Variants in SOX6 observed in about 807,000 individuals in gnomAD.
The protein encoded by SOX6 is SRY-box transcription factor 6.
Under a neutral mutation model 97.8 loss-of-function variants are expected in SOX6, and 11 were observed. The observed-to-expected ratio is 0.11, with a 90% CI of 0.07 to 0.19. SOX6 has a LOEUF of 0.19. Ranked by LOEUF, SOX6 falls within the 10% of genes least tolerant of loss-of-function variation. The probability of loss-of-function intolerance (pLI) is 1.00; values close to 1 mark genes in which losing one functional copy is unlikely to be tolerated. For missense variants in SOX6, 810 were observed against 1,039.5 expected, an observed-to-expected ratio of 0.78 and a Z score of 3.04; for synonymous variants, 360 against 371.4, an observed-to-expected ratio of 0.97 and a Z score of 0.35.
At chr11:16,049,690 TA>T in intron 11 of SOX6, 64 bp downstream of exon 11, 1 of 1,589,566 alleles carries the variant, frequency 6.3e-7, no homozygotes, top group Non-Finnish European at 8.6e-7. Context: ...CAGTCGTAAC[TA>T]AACAGGTTTG....
chr11:16,294,732 T>G (rs1855019533), intron 3 of SOX6, among the ~76,000 whole-genome samples: 1 of 152,082 alleles, frequency 6.6e-6, no homozygotes, highest in African/African-American at 2.4e-5. Context: ...TGAAAAAAAT[T>G]GTTTTTATTT....
At chr11:16,352,912 T>A (rs747042965) in intron 1 of SOX6, among the ~76,000 whole-genome samples, 28 of 152,138 alleles carry the variant, frequency 1.8e-4, no homozygotes, top group Non-Finnish European at 3.5e-4. Flanking sequence ...CAAAATTGGT[T>A]GAGGAAGTAG....
chr11:15,977,197 C>G (rs1237063265), intron 15 of SOX6, among the ~76,000 whole-genome samples: 1 of 152,042 alleles, frequency 6.6e-6, no homozygotes, highest in Non-Finnish European at 1.5e-5. Flanking sequence ...CTGCCATGAT[C>G]CTTGATGTCT....
chr11:16,561,059 C>G (rs761926365), intron 4 of SOX6, among the ~76,000 whole-genome samples: 23 of 152,018 alleles, frequency 1.5e-4, no homozygotes, highest in Admixed American at 3.3e-4. Context: ...TCTCAGAAAT[C>G]ACTACTAAAG....
At chr11:16,032,234 T>C (rs975949556) in intron 12 of SOX6, among the ~76,000 whole-genome samples, 1 of 152,084 alleles carries the variant, frequency 6.6e-6, no homozygotes, top group African/African-American at 2.4e-5. Flanking sequence ...GTAAAAAGTA[T>C]AGAATTTATA....
upstream of SOX6, among the ~76,000 whole-genome samples, chr11:16,476,571 A>C (rs939436561): frequency 6.6e-6 from 1 of 152,246 alleles, no homozygotes; most frequent in Non-Finnish European, 1.5e-5. Flanking sequence ...TCATGGTTCT[A>C]CATCTAAGAA....
chr11:16,690,655 C>T lies in SOX6; in HGVS notation n.429+24175G>A, dbSNP rs532829744. On this transcript the variant is annotated intron_variant and non_coding_transcript_variant, in intron 3 of 5. Transcript: ENST00000524520. The stretch of plus-strand genomic sequence containing the variant: ...TGACTTAATTCCTTGGCTTTTCATG[C>T]GATGCAAGGAAACATTCTGTCTTTG... Among the ~76,000 whole-genome samples the T allele has an allele frequency of 2.6e-5, 4 of 152,246 alleles. No individual in the cohort carries two copies. In the South Asian group the frequency reaches 6.2e-4, roughly 24 times the overall value.
chr11:16,539,482 A>G (rs1207603694), intron 4 of SOX6, among the ~76,000 whole-genome samples: 1 of 152,198 alleles, frequency 6.6e-6, no homozygotes, highest in African/African-American at 2.4e-5. Context: ...AGCAGAACTG[A>G]AGGAGATAGA....
chr11:16,068,056 A>C (rs1050497955), intron 9 of SOX6, among the ~76,000 whole-genome samples: 1 of 152,224 alleles, frequency 6.6e-6, no homozygotes. Flanking sequence ...TGTGACAGAC[A>C]TCATTCAAGG....
intron 1 of SOX6, among the ~76,000 whole-genome samples, chr11:16,429,651 G>A (rs1157121991): frequency 6.6e-6 from 1 of 152,038 alleles, no homozygotes; most frequent in Non-Finnish European, 1.5e-5. Context: ...ACATAGAGGG[G>A]AACAACACAC....
At chr11:16,336,644 T>C (rs1297170498) in intron 2 of SOX6, among the ~76,000 whole-genome samples, 3 of 152,164 alleles carry the variant, frequency 2.0e-5, no homozygotes, top group Admixed American at 6.6e-5. Flanking sequence ...CAAATCATGT[T>C]ACTCCCTTGC....
intron 2 of SOX6, among the ~76,000 whole-genome samples, chr11:16,322,638 C>T (rs1855962220): frequency 6.6e-6 from 1 of 152,114 alleles, no homozygotes; most frequent in African/African-American, 2.4e-5. Context: ...GGTTCTCAAG[C>T]TTCAATGTGT....
intron 3 of SOX6, among the ~76,000 whole-genome samples, chr11:16,305,259 A>G (rs368305538): frequency 1.3e-5 from 2 of 152,228 alleles, no homozygotes; most frequent in East Asian, 3.8e-4. Flanking sequence ...AAAACATGAG[A>G]AGACATTTTA....
chr11:16,549,498 T>C (rs979315549), intron 4 of SOX6, among the ~76,000 whole-genome samples: 3 of 152,192 alleles, frequency 2.0e-5, no homozygotes, highest in African/African-American at 7.2e-5. Flanking sequence ...GAGCCCATGC[T>C]GATGAGAATA....
chr11:16,085,347 A>G (rs1848555414), intron 9 of SOX6, among the ~76,000 whole-genome samples: 1 of 152,174 alleles, frequency 6.6e-6, no homozygotes, highest in African/African-American at 2.4e-5. Context: ...TTTTTAAAGC[A>G]GACCAAGTGA....
chr11:16,719,727 T>C (rs549560047), intron 2 of SOX6, among the ~76,000 whole-genome samples: 1 of 152,168 alleles, frequency 6.6e-6, no homozygotes, highest in East Asian at 1.9e-4. Context: ...AGTTCGAGGC[T>C]AGCCTGGGCA....
intron 14 of SOX6, among the ~76,000 whole-genome samples, chr11:15,987,670 T>C (rs531282128): frequency 2.0e-5 from 3 of 149,156 alleles, no homozygotes; most frequent in Middle Eastern, 3.5e-3. Context: ...TATAAAACTG[T>C]AAGGCCAGAG....
chr11:16,182,047 G>A (rs1481291792), intron 6 of SOX6, among the ~76,000 whole-genome samples: 2 of 151,604 alleles, frequency 1.3e-5, no homozygotes, highest in African/African-American at 4.8e-5. Flanking sequence ...ATCATGTTCT[G>A]TAGTTTTCTG....
At chr11:16,577,754 T>C (rs1203891872) in intron 4 of SOX6, among the ~76,000 whole-genome samples, 2 of 152,206 alleles carry the variant, frequency 1.3e-5, no homozygotes, top group Admixed American at 1.3e-4. Context: ...TCAAATCCTT[T>C]GCTTTTTTAA....
Sources: gnomAD v4.1 joint callset for allele counts (sites outside exome capture counted in the v4.1 genomes callset) on GRCh38, gnomAD v4.1.1 for gene constraint, MANE v1.5 for transcripts, NCBI Gene and HGNC (gene_info 2026-07-23, HGNC 2026-07-21) for gene names.